KLF7: variants seen among roughly 807,000 people sequenced by gnomAD.
The protein encoded by KLF7 is Krueppel-like factor 7.
Under a neutral mutation model 27.3 loss-of-function variants are expected in KLF7, and 2 were observed. That is an observed-to-expected ratio of 0.07 (90% CI 0.03 to 0.23). The LOEUF (loss-of-function observed/expected upper bound fraction) is 0.23. KLF7 is among the 10% of genes least tolerant of loss of function. The probability of loss-of-function intolerance (pLI) is 1.00; values close to 1 mark genes in which losing one functional copy is unlikely to be tolerated. For synonymous variants in KLF7, 165 were observed against 162.4 expected, an observed-to-expected ratio of 1.02 and a Z score of -0.12; for missense variants, 221 against 394.1, an observed-to-expected ratio of 0.56 and a Z score of 3.72.
chr2:207,157,673 G>C (rs1184292497), intron 1 of KLF7, among the ~76,000 whole-genome samples: 3 of 152,218 alleles, frequency 2.0e-5, no homozygotes, highest in African/African-American at 7.2e-5. Context: ...GGAGGTGACA[G>C]GGATTGTGGC....
intron 3 of KLF7, among the ~76,000 whole-genome samples, chr2:207,081,771 A>C (rs1424350435): frequency 1.3e-5 from 2 of 151,936 alleles, no homozygotes; most frequent in African/African-American, 4.8e-5. Flanking sequence ...CCCAGATTTC[A>C]ACCCTAAACT....
chr2:207,083,029 C>T (rs2076310790), intron 3 of KLF7, among the ~76,000 whole-genome samples: 1 of 152,172 alleles, frequency 6.6e-6, no homozygotes, highest in South Asian at 2.1e-4. Context: ...TAACATGCTG[C>T]ATAATAACAA....
At chr2:207,085,873 T>G (rs2076376046) in intron 3 of KLF7, among the ~76,000 whole-genome samples, 1 of 151,356 alleles carries the variant, frequency 6.6e-6, no homozygotes, top group Non-Finnish European at 1.5e-5. Flanking sequence ...TTCAGCTACA[T>G]CCAATTACAG....
intron 2 of KLF7, among the ~76,000 whole-genome samples, chr2:207,105,923 G>A (rs967835170): frequency 6.6e-6 from 1 of 152,178 alleles, no homozygotes; most frequent in South Asian, 2.1e-4. Context: ...ATACGCACCA[G>A]ATTTTGAAGG....
At chr2:207,132,620 C>T (rs191741051) in intron 1 of KLF7, among the ~76,000 whole-genome samples, 1 of 152,344 alleles carries the variant, frequency 6.6e-6, no homozygotes, top group East Asian at 1.9e-4. Flanking sequence ...GCACATGATG[C>T]AAAGCAGCCT....
intron 1 of KLF7, among the ~76,000 whole-genome samples, chr2:207,142,562 T>C (rs763941905): frequency 3.3e-5 from 5 of 152,142 alleles, no homozygotes; most frequent in Non-Finnish European, 5.9e-5. Flanking sequence ...AATGAAGTGG[T>C]ATGGCAACAC....
intron 1 of KLF7, among the ~76,000 whole-genome samples, chr2:207,148,626 A>C (rs985285813): frequency 6.6e-6 from 1 of 152,192 alleles, no homozygotes; most frequent in Non-Finnish European, 1.5e-5. Context: ...ACTTCAAATA[A>C]AAATTCAGAT....
chr2:207,093,035 A>G (rs1269802637), intron 2 of KLF7, among the ~76,000 whole-genome samples: 1 of 152,140 alleles, frequency 6.6e-6, no homozygotes, highest in African/African-American at 2.4e-5. Context: ...CCTACAGTCT[A>G]TTCTACTTAT....
intron 1 of KLF7, among the ~76,000 whole-genome samples, chr2:207,141,561 G>C (rs530014064): frequency 6.6e-6 from 1 of 152,282 alleles, no homozygotes; most frequent in East Asian, 1.9e-4. Context: ...CATAGCACCA[G>C]CTCATCGATA....
At chr2:207,123,698 A>C in intron 2 of KLF7, 76 bp downstream of exon 2, 1 of 1,500,994 alleles carries the variant, frequency 6.7e-7, no homozygotes, top group East Asian at 2.3e-5. Context: ...TCCTCAGAAC[A>C]AAGAGGAGCC....
chr2:207,099,921 G>A (rs930254118), intron 2 of KLF7, among the ~76,000 whole-genome samples: 3 of 152,132 alleles, frequency 2.0e-5, no homozygotes, highest in African/African-American at 7.2e-5. Flanking sequence ...CCTGAGCCCA[G>A]GAGTTTGAGA....
intron 1 of KLF7, among the ~76,000 whole-genome samples, chr2:207,140,215 C>T (rs539565413): frequency 2.6e-4 from 40 of 152,206 alleles, no homozygotes; most frequent in African/African-American, 8.7e-4. Flanking sequence ...ATTGAGAAAA[C>T]TTATAAACAC....
chr2:207,157,219 T>TAAAAAAAAAAAAAAAAAAAAAAAAAAG (rs5838052), intron 1 of KLF7, among the ~76,000 whole-genome samples: 11 of 87,306 alleles, frequency 1.3e-4, no homozygotes, highest in East Asian at 3.2e-4. Flanking sequence ...AACAGAAAAG[T>TAAAAAAAAAAAAAAAAAAAAAAAAAAG]AAAAAAAAAA....
At chr2:207,156,884 A>G (rs145772346) in intron 1 of KLF7, among the ~76,000 whole-genome samples, 1 of 152,358 alleles carries the variant, frequency 6.6e-6, no homozygotes, top group African/African-American at 2.4e-5. Context: ...CAACTCTGAC[A>G]TATCATTAAA....
intron 2 of KLF7, among the ~76,000 whole-genome samples, chr2:207,116,000 G>A (rs1018223864): frequency 6.6e-6 from 1 of 152,100 alleles, no homozygotes; most frequent in East Asian, 1.9e-4. Flanking sequence ...TAGGTACTTA[G>A]GTAGGGAATG....
intron 2 of KLF7, among the ~76,000 whole-genome samples, chr2:207,090,338 C>T (rs1287910200): frequency 6.6e-6 from 1 of 152,188 alleles, no homozygotes; most frequent in Non-Finnish European, 1.5e-5. Flanking sequence ...AAAAGGTAGC[C>T]AAGTGGAGGT....
chr2:207,166,880 G>T (rs2078729261), upstream of KLF7: 1 of 1,076,284 alleles, frequency 9.3e-7, no homozygotes, highest in Middle Eastern at 4.1e-4. Flanking sequence ...GGGGAGCGGA[G>T]CGAGACCGCG....
chr2:207,164,495 G>A (rs1425418563), intron 1 of KLF7, among the ~76,000 whole-genome samples: 2 of 127,160 alleles, frequency 1.6e-5, no homozygotes, highest in Non-Finnish European at 3.2e-5. Flanking sequence ...CCCCTCAGCA[G>A]CTCCTAATCG....
intron 2 of KLF7, among the ~76,000 whole-genome samples, chr2:207,110,554 G>A (rs1011027516): frequency 2.0e-5 from 3 of 152,188 alleles, no homozygotes; most frequent in Non-Finnish European, 4.4e-5. Flanking sequence ...GGCAGCTGAT[G>A]TGATCAGACC....
Sources: gnomAD v4.1 joint callset for allele counts (sites outside exome capture counted in the v4.1 genomes callset) on GRCh38, gnomAD v4.1.1 for gene constraint, MANE v1.5 for transcripts, NCBI Gene and HGNC (gene_info 2026-07-23, HGNC 2026-07-21) for gene names.